The following PARD3B variants were observed in gnomAD, a reference collection of about 807,000 sequenced individuals.
The protein encoded by PARD3B is par-3 family cell polarity regulator beta.
In PARD3B, 103 loss-of-function variants were observed where a neutral mutation model predicts 130.2. That is an observed-to-expected ratio of 0.79 (90% CI 0.67 to 0.93). The LOEUF (loss-of-function observed/expected upper bound fraction) is 0.93, where lower values mean the gene tolerates loss of function less well. Among genes scored for constraint, PARD3B ranks in the 40% least tolerant of loss-of-function variants. The probability of loss-of-function intolerance (pLI) is 0.00; values close to 1 mark genes in which losing one functional copy is unlikely to be tolerated. For synonymous variants in PARD3B, 583 were observed against 553.2 expected (o/e 1.05, Z -0.76); for missense variants, 1,609 against 1,499.2 (o/e 1.07, Z -1.21).
chr2:204,825,838 G>T (rs2043548724), intron 2 of PARD3B, among the ~76,000 whole-genome samples: 1 of 152,166 alleles, frequency 6.6e-6, no homozygotes, highest in Non-Finnish European at 1.5e-5. Context: ...AGAGTAATTG[G>T]TTTCTTCAAT....
intron 4 of PARD3B, among the ~76,000 whole-genome samples, chr2:205,056,898 CACATACACACACACACAT>C (rs1559395673): frequency 7.0e-6 from 1 of 142,374 alleles, no homozygotes; most frequent in Non-Finnish European, 1.6e-5. Flanking sequence ...CACACACACA[CACATACACACACACACAT>C]ATATATATAT....
intron 15 of PARD3B, among the ~76,000 whole-genome samples, chr2:205,195,533 GA>G (rs1453960282): frequency 1.3e-5 from 2 of 152,184 alleles, no homozygotes; most frequent in African/African-American, 4.8e-5. Context: ...TTCTCAATAT[GA>G]AATTCACTTA....
intron 16 of PARD3B, among the ~76,000 whole-genome samples, chr2:205,278,403 G>A (rs112488167): frequency 4.6e-5 from 7 of 151,620 alleles, no homozygotes; most frequent in Admixed American, 6.6e-5. Flanking sequence ...GATAGGCTTG[G>A]GGGGGAGAGG....
chr2:204,631,332 CT>C (rs2125139786), intron 1 of PARD3B, among the ~76,000 whole-genome samples: 1 of 151,978 alleles, frequency 6.6e-6, no homozygotes, highest in East Asian at 1.9e-4. Flanking sequence ...TCACTGCAAC[CT>C]CTGCCTCTCG....
chr2:205,381,143 TAATATATATAATATATATAAAG>T lies in PARD3B; in HGVS notation c.2631-19861_2631-19840del, dbSNP rs1384924078. On this transcript the variant is annotated intron_variant, in intron 18 of 22. Transcript: ENST00000406610. ...ATATATATTATATATAAAGAATATA[TAATATATATAATATATATAAAG>T]AATATATAATATATATAAAGAATAT... Among the ~76,000 whole-genome samples the T allele has an allele frequency of 4.9e-4, 32 of 64,840 alleles. No homozygotes were observed. In the South Asian group the frequency reaches 5.8e-3, roughly 12 times the overall value. 42.5% of individuals were successfully genotyped at this position (64,840 alleles called of 152,430 possible).
In PARD3B at chr2:205,122,294, T is replaced by TG. The variant is rs1024498249; in HGVS notation, c.1165+346dup. ...TGTTCTGAGCACGATTAGTGATTCT[T>TG]GAAGCATCCTTTAGGCCATGTCCAA... On this transcript the variant is annotated intron_variant, in intron 8 of 22. Transcript: ENST00000406610. This position sits in a 1 kb window ranked among gnomAD's most constrained non-coding sequence, Gnocchi z 4.3. Among the ~76,000 whole-genome samples, 5 of 152,220 alleles carry TG rather than the reference T, an allele frequency of 3.3e-5. No homozygotes were observed. The highest frequency in any genetic ancestry group is 9.6e-5 in the African/African-American group (4 of 41,470).
chr2:204,974,517 T>C (rs1171104609), intron 3 of PARD3B, among the ~76,000 whole-genome samples: 1 of 152,214 alleles, frequency 6.6e-6, no homozygotes, highest in Non-Finnish European at 1.5e-5. Context: ...ATGGCATAGA[T>C]AGCAACAAAC....
chr2:205,539,189 G>T (rs2052007734), intron 21 of PARD3B, among the ~76,000 whole-genome samples: 1 of 152,130 alleles, frequency 6.6e-6, no homozygotes, highest in Admixed American at 6.5e-5. Flanking sequence ...AGGATTGTCT[G>T]ACCTACCCTC....
At chr2:205,358,580 C>T (rs2044279156) in intron 18 of PARD3B, among the ~76,000 whole-genome samples, 1 of 152,200 alleles carries the variant, frequency 6.6e-6, no homozygotes, top group Admixed American at 6.5e-5. Flanking sequence ...TCATTCTTTT[C>T]CTTCACTCTA....
At chr2:204,634,437 T>C (rs560321115) in intron 1 of PARD3B, among the ~76,000 whole-genome samples, 1 of 152,294 alleles carries the variant, frequency 6.6e-6, no homozygotes, top group African/African-American at 2.4e-5. Context: ...ATTGTAAACA[T>C]CATTTTTAAA....
intron 15 of PARD3B, among the ~76,000 whole-genome samples, chr2:205,219,075 G>GT (rs1422827838): frequency 6.7e-6 from 1 of 148,390 alleles, no homozygotes; most frequent in Admixed American, 6.7e-5. Context: ...GGGAGACTCT[G>GT]TTTAAAAAAA....
Position 205,550,366 on chromosome 2 carries a change from C to G in PARD3B, c.3181-2958C>G, listed in dbSNP as rs564816583. ...GCAGGCCTGTTTCCATGAGGAGACC[C>G]GCTGGATTTCTTCATTGCTTTGAAT... On this transcript the variant is annotated intron_variant, in intron 21 of 22. Coordinates refer to ENST00000406610, the MANE Select transcript of PARD3B (RefSeq NM_001302769.2). The surrounding 1 kb of genome is among the most constrained non-coding windows in gnomAD (Gnocchi z 4.5). Among the ~76,000 whole-genome samples, 1 of 152,122 alleles carries G rather than the reference C, an allele frequency of 6.6e-6. No homozygotes were observed. Among genetic ancestry groups the G allele is most frequent in the Non-Finnish European group, 1.5e-5 (1 of 68,042 alleles).
chr2:204,750,631 T>C (rs200330564), intron 2 of PARD3B, among the ~76,000 whole-genome samples: 2,727 of 144,426 alleles, frequency 0.019, 30 homozygotes, highest in Middle Eastern at 0.074. Context: ...CATACATACA[T>C]ACACACACAC....
intron 2 of PARD3B, among the ~76,000 whole-genome samples, chr2:204,710,954 A>G (rs551294511): frequency 7.9e-5 from 12 of 152,306 alleles, no homozygotes; most frequent in African/African-American, 2.6e-4. Flanking sequence ...GATATTGATG[A>G]TGAAGAAGGT....
chr2:205,587,301 G>A (rs2058712), intron 22 of PARD3B, among the ~76,000 whole-genome samples: 47,911 of 146,510 alleles, frequency 0.33, 7,579 homozygotes, highest in Middle Eastern at 0.44. Context: ...ATTCGGTTTT[G>A]CTTCTTAGCA....
intron 2 of PARD3B, among the ~76,000 whole-genome samples, chr2:204,847,963 T>G (rs1413084124): frequency 2.0e-5 from 3 of 152,194 alleles, no homozygotes; most frequent in African/African-American, 7.2e-5. Flanking sequence ...ACTGCAAAAG[T>G]TACAATCATT....
chr2:204,745,890 T>G (rs28740988), intron 2 of PARD3B, among the ~76,000 whole-genome samples: 19,538 of 152,038 alleles, frequency 0.13, 2,344 homozygotes, highest in African/African-American at 0.31. Flanking sequence ...CCAGTTTCTG[T>G]TTTTCCTCTT....
chr2:204,700,530 A>T (rs1453554513), intron 2 of PARD3B, among the ~76,000 whole-genome samples: 6 of 152,138 alleles, frequency 3.9e-5, no homozygotes, highest in African/African-American at 1.4e-4. Flanking sequence ...ATCTTTTATT[A>T]TGACATCTAG....
At chr2:204,928,146 A>G (rs928280089) in intron 2 of PARD3B, among the ~76,000 whole-genome samples, 2 of 152,044 alleles carry the variant, frequency 1.3e-5, no homozygotes, top group Non-Finnish European at 2.9e-5. Flanking sequence ...GTGTTTGGAA[A>G]TTGATAGGCT....
Sources: gnomAD v4.1 joint callset for allele counts (sites outside exome capture counted in the v4.1 genomes callset) on GRCh38, gnomAD v4.1.1 for gene constraint, Gnocchi (gnomAD v3.1) non-coding constraint, MANE v1.5 for transcripts, NCBI Gene and HGNC (gene_info 2026-07-23, HGNC 2026-07-21) for gene names.